DAPK1: variants seen among roughly 807,000 people sequenced by gnomAD.
DAPK1 encodes death associated protein kinase 1, also known as death-associated protein kinase 1.
A neutral mutation model predicts 144.9 loss-of-function variants in DAPK1; 56 were observed. That is an observed-to-expected ratio of 0.39 (90% CI 0.31 to 0.48). The LOEUF (loss-of-function observed/expected upper bound fraction) is 0.48. Among genes scored for constraint, DAPK1 ranks in the 20% least tolerant of loss-of-function variants. The pLI is 0.95. For synonymous variants in DAPK1, 690 were observed against 749.0 expected (o/e 0.92, Z 1.29); for missense variants, 1,454 against 1,875.4 (o/e 0.78, Z 4.15).
chr9:87,612,691 A>T (rs565365354), intron 3 of DAPK1, among the ~76,000 whole-genome samples: 1 of 152,346 alleles, frequency 6.6e-6, no homozygotes, highest in East Asian at 1.9e-4. Flanking sequence ...ACAAAACAAA[A>T]CATAATGCCT....
chr9:87,569,679 A>T (rs1046911127), intron 2 of DAPK1, among the ~76,000 whole-genome samples: 2 of 152,092 alleles, frequency 1.3e-5, no homozygotes, highest in African/African-American at 4.8e-5. Flanking sequence ...ATGCGGGTGC[A>T]TCCGGGTGTG....
In DAPK1 at chr9:87,686,519, C is replaced by T. The variant is rs777538991; in HGVS notation, c.2225-32C>T. ...GGAGACAGGCACACGCTGCCCCCATCGAGTACTCATGTGATCCTTTCCATC... is the reference window on the plus strand; with the variant it reads ...GGAGACAGGCACACGCTGCCCCCATTGAGTACTCATGTGATCCTTTCCATC... On this transcript the variant is annotated intron_variant, in intron 20 of 25. Transcript: ENST00000408954. The surrounding 1 kb of genome is among the most constrained non-coding windows in gnomAD (Gnocchi z 4.2). The T allele has an allele frequency of 2.1e-5, 28 of 1,313,124 alleles. No homozygotes were observed. The highest frequency in any genetic ancestry group is 3.8e-5 in the South Asian group (3 of 78,882). The allele number at this position is 1,313,124 out of a possible 1,614,324, so 81.3% of individuals were successfully genotyped here.
chr9:87,613,797 C>T (rs1191835899), intron 3 of DAPK1, among the ~76,000 whole-genome samples: 8 of 152,210 alleles, frequency 5.3e-5, no homozygotes, highest in African/African-American at 7.2e-5. Flanking sequence ...TCTCTCTGGG[C>T]GCTCACGAAC....
intron 3 of DAPK1, among the ~76,000 whole-genome samples, chr9:87,621,534 G>A (rs1829292941): frequency 6.6e-6 from 1 of 152,160 alleles, no homozygotes; most frequent in Non-Finnish European, 1.5e-5. Context: ...TTCCTTGTGT[G>A]TATCACTCCC....
intron 2 of DAPK1, among the ~76,000 whole-genome samples, chr9:87,571,476 A>C (rs56274624): frequency 0.01 from 501 of 48,436 alleles, 17 homozygotes; most frequent in Middle Eastern, 0.022. Context: ...CACACACACC[A>C]ACACACACAC....
intron 19 of DAPK1, 152 bp downstream of exon 19, chr9:87,668,826 C>T (rs554290231): frequency 4.1e-5 from 27 of 652,068 alleles, no homozygotes; most frequent in Admixed American, 1.0e-4. Context: ...ACATGTCAGT[C>T]GGTATAAATG....
intron 2 of DAPK1, among the ~76,000 whole-genome samples, chr9:87,583,810 T>G (rs1827837322): frequency 6.6e-6 from 1 of 152,224 alleles, no homozygotes; most frequent in East Asian, 1.9e-4. Context: ...TCAGCCTCAT[T>G]GGAACCTTTC....
chr9:87,524,237 A>C (rs896755674), intron 2 of DAPK1, among the ~76,000 whole-genome samples: 10 of 152,174 alleles, frequency 6.6e-5, no homozygotes, highest in African/African-American at 2.4e-4. Flanking sequence ...ACATTCCAGC[A>C]TGCCCTGACC....
intron 3 of DAPK1, among the ~76,000 whole-genome samples, chr9:87,608,231 A>G (rs1828803271): frequency 6.6e-6 from 1 of 152,216 alleles, no homozygotes; most frequent in Non-Finnish European, 1.5e-5. Flanking sequence ...TGTTTTGAAA[A>G]TGTCCAGTGA....
intron 20 of DAPK1, among the ~76,000 whole-genome samples, chr9:87,684,513 C>T (rs1337715496): frequency 6.6e-6 from 1 of 152,232 alleles, no homozygotes; most frequent in Admixed American, 6.5e-5. Context: ...CTTGAGAACG[C>T]TGGAGGCCAA....
At chr9:87,554,866 TCTC>T (rs1366474415) in intron 2 of DAPK1, among the ~76,000 whole-genome samples, 1 of 152,210 alleles carries the variant, frequency 6.6e-6, no homozygotes, top group Non-Finnish European at 1.5e-5. Flanking sequence ...TTCAGCCAGT[TCTC>T]CTGGAGGTCA....
intron 3 of DAPK1, among the ~76,000 whole-genome samples, chr9:87,631,180 C>T (rs184874071): frequency 2.6e-5 from 4 of 152,252 alleles, no homozygotes; most frequent in East Asian, 1.9e-4. Flanking sequence ...AAATTGGCCT[C>T]ATGGGGTAAT....
chr9:87,604,243 T>G (rs1280527305), intron 2 of DAPK1, among the ~76,000 whole-genome samples: 3 of 151,832 alleles, frequency 2.0e-5, no homozygotes, highest in Non-Finnish European at 4.4e-5. Context: ...CTCTGAAGGG[T>G]CTTACTTGGC....
chr9:87,638,101 C>T lies in DAPK1; in HGVS notation c.423+20C>T. 6.2e-7 allele frequency: 1 copy of T among 1,602,504 alleles called. No individual in the cohort carries two copies. Among genetic ancestry groups the T allele is most frequent in the South Asian group, 1.1e-5 (1 of 90,120 alleles). ...CTTAAGGTACGTTTCAAAGTGTAAG[C>T]CAGATAGAAGCTTGTGCAGATCACA... On this transcript the variant is annotated intron_variant, in intron 4 of 25. Transcript: ENST00000408954.
At chr9:87,620,872 TG>T (rs1186857732) in intron 3 of DAPK1, among the ~76,000 whole-genome samples, 2 of 152,212 alleles carry the variant, frequency 1.3e-5, no homozygotes, top group Non-Finnish European at 1.5e-5. Context: ...GCTGAAGAGA[TG>T]CCTGGAGGCC....
At chr9:87,552,883 A>G (rs899074399) in intron 2 of DAPK1, among the ~76,000 whole-genome samples, 23 of 152,156 alleles carry the variant, frequency 1.5e-4, no homozygotes, top group Middle Eastern at 3.4e-3. Context: ...TACAGGTGTG[A>G]GCCATTGAGC....
Position 87,706,126 on chromosome 9 carries a change from C to A in DAPK1, c.3061-6C>A. The stretch of plus-strand genomic sequence containing the variant: ...CTAAGCGTGACTTTCTGTTGTCCCC[C>A]CGCAGATCAACATCATGCAAAGTGA... On this transcript the variant is annotated splice_region_variant and splice_polypyrimidine_tract_variant and intron_variant, in intron 25 of 25. Coordinates refer to ENST00000408954, the MANE Select transcript of DAPK1 (RefSeq NM_004938.4). This position sits in a 1 kb window ranked among gnomAD's most constrained non-coding sequence, Gnocchi z 9.0. The A allele has an allele frequency of 1.3e-6, 2 of 1,576,542 alleles. No individual in the cohort carries two copies.
At position 87,590,588 on chromosome 9, in the gene DAPK1, A is replaced by T. The variant is rs532249247; in HGVS notation, c.63-14366A>T. 1.0e-3 allele frequency among the ~76,000 whole-genome samples: 150 copies of T among 148,714 alleles called. 1 individual carries two copies. Among genetic ancestry groups the T allele is most frequent in the East Asian group, 2.7e-3 (14 of 5,102 alleles). ...CTGAATAATTTGTGCTACTTAAAAA[A>T]TTTTTTTTTTTATTTTTTGAGACAG... On this transcript the variant is annotated intron_variant, in intron 2 of 25. Coordinates refer to ENST00000408954, the MANE Select transcript of DAPK1 (RefSeq NM_004938.4).
At chr9:87,514,639 A>G (rs887528364) in intron 2 of DAPK1, among the ~76,000 whole-genome samples, 2 of 152,226 alleles carry the variant, frequency 1.3e-5, no homozygotes, top group African/African-American at 4.8e-5. Context: ...GAATGATGGA[A>G]GGAGGGTTCG....
Sources: allele counts gnomAD v4.1 joint callset (sites outside exome capture counted in the v4.1 genomes callset), GRCh38; gene constraint gnomAD v4.1.1; non-coding constraint Gnocchi (gnomAD v3.1); transcripts MANE v1.5; gene names NCBI Gene and HGNC (gene_info 2026-07-23, HGNC 2026-07-21).